The following RBM33 variants were observed in gnomAD, a reference collection of about 807,000 sequenced individuals.
RBM33 encodes the protein RNA-binding protein 33.
Under a neutral mutation model 132.6 loss-of-function variants are expected in RBM33, and 28 were observed. The ratio of observed to expected loss-of-function variants is 0.21; its 90% CI spans 0.16 to 0.29. The LOEUF (loss-of-function observed/expected upper bound fraction) is 0.29. RBM33 is among the 10% of genes least tolerant of loss of function. RBM33 has a pLI of 1.00. For missense variants in RBM33, 1,291 were observed against 1,518.5 expected (o/e 0.85, Z 2.49); for synonymous variants, 634 against 593.0 (o/e 1.07, Z -1.01).
chr7:155,720,971 AG>A (rs1335504993), intron 9 of RBM33, among the ~76,000 whole-genome samples: 2 of 152,216 alleles, frequency 1.3e-5, no homozygotes, highest in African/African-American at 4.8e-5. Flanking sequence ...TGTGCTTCTT[AG>A]TACGCAAAAA....
At chr7:155,709,558 A>G (rs982277746) in intron 7 of RBM33, among the ~76,000 whole-genome samples, 1 of 152,072 alleles carries the variant, frequency 6.6e-6, no homozygotes, top group African/African-American at 2.4e-5. Flanking sequence ...CACATGTTTC[A>G]CAGGCCCTGA....
intron 14 of RBM33, among the ~76,000 whole-genome samples, chr7:155,751,997 G>A (rs1410687151): frequency 6.6e-6 from 1 of 152,144 alleles, no homozygotes; most frequent in South Asian, 2.1e-4. Context: ...GTGGGTGTAT[G>A]AATTGTTACT....
intron 14 of RBM33, among the ~76,000 whole-genome samples, chr7:155,748,912 T>C (rs1214656539): frequency 6.6e-6 from 1 of 152,204 alleles, no homozygotes; most frequent in African/African-American, 2.4e-5. Flanking sequence ...AAAGTGACTA[T>C]GCAGATTCAA....
chr7:155,663,742 A>G (rs1011633436), intron 1 of RBM33, among the ~76,000 whole-genome samples: 6 of 152,160 alleles, frequency 3.9e-5, no homozygotes, highest in Non-Finnish European at 8.8e-5. Flanking sequence ...CTGAGGCTTT[A>G]TAGGTGTTTA....
At chr7:155,648,965 C>T (rs959194056) in intron 1 of RBM33, among the ~76,000 whole-genome samples, 4 of 152,152 alleles carry the variant, frequency 2.6e-5, no homozygotes, top group African/African-American at 9.7e-5. Flanking sequence ...ATAGTGTGAT[C>T]ATAATGTGTT....
chr7:155,684,981 C>T, intron 5 of RBM33: 1 of 1,550,468 alleles, frequency 6.4e-7, no homozygotes, highest in East Asian at 2.4e-5. Context: ...GCTGCAAGAG[C>T]AGGAAGACTG....
chr7:155,649,283 G>C (rs1428632690), intron 1 of RBM33, among the ~76,000 whole-genome samples: 1 of 151,956 alleles, frequency 6.6e-6, no homozygotes, highest in Non-Finnish European at 1.5e-5. Context: ...ATTTTCTTTA[G>C]TTATTTACTT....
At chr7:155,737,048 T>G (rs552398073) in intron 9 of RBM33, among the ~76,000 whole-genome samples, 2 of 152,328 alleles carry the variant, frequency 1.3e-5, no homozygotes, top group South Asian at 2.1e-4. Context: ...CAGCAGTGTT[T>G]CCATGAGATT....
intron 13 of RBM33, among the ~76,000 whole-genome samples, chr7:155,742,870 G>A (rs1801395761): frequency 6.6e-6 from 1 of 152,216 alleles, no homozygotes; most frequent in Non-Finnish European, 1.5e-5. Flanking sequence ...CTGTGCAGAA[G>A]GCTGGCACCT....
intron 12 of RBM33, among the ~76,000 whole-genome samples, chr7:155,741,371 G>A (rs1801329835): frequency 1.3e-5 from 2 of 152,174 alleles, no homozygotes; most frequent in Admixed American, 1.3e-4. Flanking sequence ...TGTTTCTTAG[G>A]ACATTGACCT....
chr7:155,738,307 G>C lies in RBM33; in HGVS notation c.1641G>C (p.Gly547=). 1.2e-6 allele frequency: 2 copies of C among 1,613,950 alleles called. No homozygotes were observed. The highest frequency in any genetic ancestry group is 1.1e-5 in the South Asian group (1 of 91,076). The stretch of plus-strand genomic sequence containing the variant: ...GGATTCTGCACTTTAGCCAGCCTGG[G>C]TCGGCAACCACACGGCCCTTCATTC... The part of the protein sequence containing the change: ...PVGILHFSQP[G]SATTRPFIPP... Residue 547 remains glycine, a synonymous_variant, in exon 11 of 18, where the codon GGG becomes GGC. Transcript: ENST00000401878.
At chr7:155,665,346 T>G in intron 2 of RBM33, 93 bp downstream of exon 2, 1 of 1,100,260 alleles carries the variant, frequency 9.1e-7, no homozygotes. Flanking sequence ...ACGCAGCACC[T>G]TGACTACCTG....
intron 9 of RBM33, among the ~76,000 whole-genome samples, chr7:155,726,834 C>T (rs1033253201): frequency 3.9e-5 from 6 of 152,220 alleles, no homozygotes; most frequent in African/African-American, 1.4e-4. Context: ...GGATAAAGCA[C>T]TTAATAAACC....
At chr7:155,731,751 G>C (rs1800962926) in intron 9 of RBM33, among the ~76,000 whole-genome samples, 1 of 152,200 alleles carries the variant, frequency 6.6e-6, no homozygotes, top group South Asian at 2.1e-4. Flanking sequence ...CTCAACCCCA[G>C]AAAGTGAAAC....
rs183138898 is a variant in RBM33 at position 155,666,550 on chromosome 7, C to T, written c.122+1297C>T. ...CTAAAAGTTAGATAGTGCTTAAAAA[C>T]GATGTCTTTCCTAGAAAAGAAATGG... On this transcript the variant is annotated intron_variant, in intron 2 of 17. Coordinates refer to ENST00000401878, the MANE Select transcript of RBM33 (RefSeq NM_053043.3). Among the ~76,000 whole-genome samples, 3 of 152,282 alleles carry T rather than the reference C, an allele frequency of 2.0e-5. No individual in the cohort carries two copies. The East Asian group carries it at 5.8e-4, about 29-fold the overall frequency.
At chr7:155,670,660 G>A (rs1403980536) in intron 2 of RBM33, among the ~76,000 whole-genome samples, 2 of 152,158 alleles carry the variant, frequency 1.3e-5, no homozygotes, top group Admixed American at 1.3e-4. Context: ...GGGGTATTAT[G>A]TCAATGAAAA....
intron 3 of RBM33, among the ~76,000 whole-genome samples, chr7:155,673,763 T>TC: frequency 2.5e-5 from 1 of 39,346 alleles, no homozygotes. Flanking sequence ...TACGCGCGCA[T>TC]GCGCGCACAC....
chr7:155,680,474 G>A, intron 4 of RBM33, 116 bp from the exon 5 acceptor site: 1 of 768,966 alleles, frequency 1.3e-6, no homozygotes. Context: ...GTCAGTAACT[G>A]GAATAACTTT....
chr7:155,689,045 T>C (rs1173279573), intron 5 of RBM33, among the ~76,000 whole-genome samples: 6 of 152,116 alleles, frequency 3.9e-5, no homozygotes, highest in African/African-American at 1.4e-4. Flanking sequence ...TCGGAAGTAA[T>C]GGTACCAGCT....
Sources: gnomAD v4.1 joint callset for allele counts (sites outside exome capture counted in the v4.1 genomes callset) on GRCh38, gnomAD v4.1.1 for gene constraint, MANE v1.5 for transcripts, NCBI Gene and HGNC (gene_info 2026-07-23, HGNC 2026-07-21) for gene names.